The following SMAD1 variants were observed in gnomAD, a reference collection of about 807,000 sequenced individuals.
The protein encoded by SMAD1 is MAD, mothers against decapentaplegic homolog 1.
Under a neutral mutation model 41.6 loss-of-function variants are expected in SMAD1, and 6 were observed. The ratio of observed to expected loss-of-function variants is 0.14; its 90% CI spans 0.08 to 0.28. The LOEUF (loss-of-function observed/expected upper bound fraction) is 0.28. SMAD1 is among the 10% of genes least tolerant of loss of function. The pLI, the probability that SMAD1 is intolerant of heterozygous loss-of-function variation, is 1.00. For missense variants in SMAD1, 379 were observed against 582.6 expected, an observed-to-expected ratio of 0.65 and a Z score of 3.60; for synonymous variants, 206 against 203.2, an observed-to-expected ratio of 1.01 and a Z score of -0.12.
intron 1 of SMAD1, among the ~76,000 whole-genome samples, chr4:145,507,890 G>A (rs1201495585): frequency 6.6e-6 from 1 of 152,058 alleles, no homozygotes; most frequent in East Asian, 1.9e-4. Context: ...ATATGAGGTA[G>A]GTTACCTGTT....
At chr4:145,554,163 A>C in intron 6 of SMAD1, 123 bp downstream of exon 6, 1 of 880,686 alleles carries the variant, frequency 1.1e-6, no homozygotes, top group Non-Finnish European at 1.7e-6. Flanking sequence ...TAGCTGACTT[A>C]TTATCTAGGC....
chr4:145,515,892 T>C (rs1730356620), intron 2 of SMAD1, among the ~76,000 whole-genome samples: 1 of 152,210 alleles, frequency 6.6e-6, no homozygotes, highest in South Asian at 2.1e-4. Flanking sequence ...TGGTAATCTT[T>C]GTTTCTAACA....
At chr4:145,555,855 T>G (rs1395030953) in intron 6 of SMAD1, among the ~76,000 whole-genome samples, 1 of 152,148 alleles carries the variant, frequency 6.6e-6, no homozygotes. Flanking sequence ...TATAATCTGA[T>G]AAGCACTAGA....
chr4:145,509,105 G>T (rs879025274), intron 1 of SMAD1, among the ~76,000 whole-genome samples: 10 of 152,178 alleles, frequency 6.6e-5, no homozygotes, highest in Non-Finnish European at 1.3e-4. Flanking sequence ...CTCTTCTTCG[G>T]TTATTCTTGT....
At chr4:145,512,310 G>A (rs1271433231) in intron 1 of SMAD1, among the ~76,000 whole-genome samples, 1 of 152,108 alleles carries the variant, frequency 6.6e-6, no homozygotes, top group Non-Finnish European at 1.5e-5. Flanking sequence ...AAAAATCCTT[G>A]GCTAGTATCT....
intron 6 of SMAD1, among the ~76,000 whole-genome samples, chr4:145,556,496 G>T (rs1053535115): frequency 6.6e-6 from 1 of 150,972 alleles, no homozygotes; most frequent in Non-Finnish European, 1.5e-5. Flanking sequence ...TCGCTCTGTC[G>T]CCCAGGCTGG....
intron 1 of SMAD1, among the ~76,000 whole-genome samples, chr4:145,485,396 A>C (rs1271930211): frequency 6.6e-6 from 1 of 152,220 alleles, no homozygotes; most frequent in African/African-American, 2.4e-5. Flanking sequence ...ATTTAAGTTT[A>C]AATTAAAATT....
chr4:145,549,935 T>A (rs1468081194), intron 5 of SMAD1, among the ~76,000 whole-genome samples: 2 of 152,206 alleles, frequency 1.3e-5, no homozygotes, highest in Non-Finnish European at 2.9e-5. Context: ...TGCATACATT[T>A]GGGAGGGAAA....
At chr4:145,487,542 T>C (rs1471822175) in intron 1 of SMAD1, among the ~76,000 whole-genome samples, 1 of 152,198 alleles carries the variant, frequency 6.6e-6, no homozygotes, top group African/African-American at 2.4e-5. Flanking sequence ...CCTGCTGTTA[T>C]CTGGTAGTAC....
At chr4:145,518,838 G>A (rs1284917762) in intron 2 of SMAD1, among the ~76,000 whole-genome samples, 1 of 125,154 alleles carries the variant, frequency 8.0e-6, no homozygotes, top group East Asian at 2.0e-4. Context: ...CGTCCACAGA[G>A]TAGTAGCATC....
intron 2 of SMAD1, among the ~76,000 whole-genome samples, chr4:145,526,145 A>G (rs1385893920): frequency 6.6e-6 from 1 of 152,220 alleles, no homozygotes; most frequent in Non-Finnish European, 1.5e-5. Flanking sequence ...TCACTTGACT[A>G]ATTGCCCAGT....
At chr4:145,545,937 G>C (rs1407931801) in intron 4 of SMAD1, 1 of 152,228 alleles carries the variant, frequency 6.6e-6, no homozygotes, top group Non-Finnish European at 1.5e-5. Flanking sequence ...GACTTAACAA[G>C]CTGCATCCTG....
At position 145,551,717 on chromosome 4, in the gene SMAD1, T is replaced by C. The variant is rs926635679; in HGVS notation, c.998-2067T>C. Among the ~76,000 whole-genome samples, 15 of 152,242 alleles carry C rather than the reference T, an allele frequency of 9.9e-5. No homozygotes were observed. In the East Asian group the frequency reaches 2.9e-3, roughly 29 times the overall value. ...TAAACAATTATTTGTCAACTATAAA[T>C]TAGGGACGTTTTGTTTTTGCTCTAC... On this transcript the variant is annotated intron_variant, in intron 5 of 6. Transcript: ENST00000302085.
Position 145,553,960 on chromosome 4 carries a change from T to C in SMAD1, c.1174T>C (p.Leu392=). 6.2e-7 allele frequency: 1 copy of C among 1,614,120 alleles called. No homozygotes were observed. Among genetic ancestry groups the C allele is most frequent in the Non-Finnish European group, 8.5e-7 (1 of 1,179,974 alleles). ...TAACAACCAAGAATTTGCTCAGTTA[T>C]TGGCACAGTCTGTGAACCATGGATT... The part of the protein sequence containing the change: ...IFNNQEFAQL[L]AQSVNHGFET... The change falls in exon 6 of 7, where the codon TTG becomes CTG. Residue 392 remains leucine (L), a synonymous_variant. Coordinates refer to ENST00000302085, the MANE Select transcript of SMAD1 (RefSeq NM_005900.3).
At chr4:145,556,267 A>G (rs186770998) in intron 6 of SMAD1, among the ~76,000 whole-genome samples, 23 of 152,276 alleles carry the variant, frequency 1.5e-4, no homozygotes, top group Admixed American at 1.5e-3. Context: ...TTGGAGGTAA[A>G]GATAAATTCC....
chr4:145,483,126 C>G (rs140086688), intron 1 of SMAD1: 1 of 152,310 alleles, frequency 6.6e-6, no homozygotes, highest in Non-Finnish European at 1.5e-5. Flanking sequence ...CGCGTTCCTT[C>G]TGAAAATTGA....
At position 145,541,710 on chromosome 4, in the gene SMAD1, CTGAG is replaced by C. The variant is rs1204101076; in HGVS notation, c.659-869_659-866del. Among the ~76,000 whole-genome samples, 4 of 152,166 alleles carry C rather than the reference CTGAG, an allele frequency of 2.6e-5. No homozygotes were observed. The South Asian group carries it at 8.3e-4, about 31-fold the overall frequency. On this transcript the variant is annotated intron_variant, in intron 3 of 6. Transcript: ENST00000302085. ...GAGTTGTTTGTATTTGACAGTTGCT[CTGAG>C]TGGTCTCGATTACTTATCCAAACAT...
rs34142651 is a variant in SMAD1, at chr4:145,558,079, C to CAAA, written c.*158_*160dup. 6.5e-4 allele frequency: 186 copies of CAAA among 288,328 alleles called. 1 individual carries two copies. Among genetic ancestry groups the CAAA allele is most frequent in the Middle Eastern group, 9.4e-4 (1 of 1,064 alleles). 17.9% of individuals were successfully genotyped at this position (288,328 alleles called of 1,614,324 possible). A position where few individuals can be genotyped will look rare whatever the true frequency, so the allele number is the denominator to read the frequency against. On this transcript the variant is annotated 3_prime_UTR_variant, in exon 7 of 7. Transcript: ENST00000302085. ...CAACTGTTGGATTCAGAAATTTAAA[C>CAAA]AAAAAAAAAAAAAAACACACACACC...
chr4:145,500,293 C>T (rs929565903), intron 1 of SMAD1, among the ~76,000 whole-genome samples: 1 of 152,014 alleles, frequency 6.6e-6, no homozygotes, highest in African/African-American at 2.4e-5. Context: ...CCAGTGTTTC[C>T]ATCTCAATTT....
Sources: gnomAD v4.1 joint callset for allele counts (sites outside exome capture counted in the v4.1 genomes callset) on GRCh38, gnomAD v4.1.1 for gene constraint, MANE v1.5 for transcripts, NCBI Gene and HGNC (gene_info 2026-07-23, HGNC 2026-07-21) for gene names.